Variants in CDH18 observed in about 807,000 individuals in gnomAD.
CDH18 encodes the protein cadherin-18.
In CDH18, 31 loss-of-function variants were observed where a neutral mutation model predicts 67.9. That is an observed-to-expected ratio of 0.46 (90% CI 0.34 to 0.62). CDH18 has a LOEUF of 0.62. CDH18 is among the 20% of genes least tolerant of loss of function. The pLI is 0.01. For missense variants in CDH18, 890 were observed against 975.5 expected, an observed-to-expected ratio of 0.91 and a Z score of 1.17; for synonymous variants, 362 against 347.2, an observed-to-expected ratio of 1.04 and a Z score of -0.48.
chr5:19,956,087 A>T (rs1796231044), intron 2 of CDH18, among the ~76,000 whole-genome samples: 2 of 152,138 alleles, frequency 1.3e-5, no homozygotes, highest in African/African-American at 4.8e-5. Context: ...TAGTATCTTT[A>T]TTTACATTAC....
chr5:19,951,421 A>G (rs1438799431), intron 2 of CDH18, among the ~76,000 whole-genome samples: 1 of 152,120 alleles, frequency 6.6e-6, no homozygotes, highest in Non-Finnish European at 1.5e-5. Flanking sequence ...TTTCTCTAAC[A>G]AATATGTAGA....
At chr5:20,412,133 T>C (rs1362438851) in intron 1 of CDH18, among the ~76,000 whole-genome samples, 1 of 152,138 alleles carries the variant, frequency 6.6e-6, no homozygotes, top group Non-Finnish European at 1.5e-5. Context: ...CTTATAACTA[T>C]ACTACAATGT....
intron 1 of CDH18, among the ~76,000 whole-genome samples, chr5:20,519,028 A>G (rs2126513080): frequency 6.6e-6 from 1 of 152,276 alleles, no homozygotes; most frequent in African/African-American, 2.4e-5. Flanking sequence ...AGAAAAAGCC[A>G]AAAATGCTCA....
chr5:19,744,422 T>TTTATGCC (rs1277759641), intron 4 of CDH18, among the ~76,000 whole-genome samples: 1 of 152,088 alleles, frequency 6.6e-6, no homozygotes, highest in Non-Finnish European at 1.5e-5. Flanking sequence ...CAAAAATTAC[T>TTTATGCC]TTATGCCTTA....
intron 2 of CDH18, among the ~76,000 whole-genome samples, chr5:20,008,098 T>A (rs1161020806): frequency 6.6e-6 from 1 of 152,110 alleles, no homozygotes; most frequent in Non-Finnish European, 1.5e-5. Context: ...CAATTTTTGT[T>A]CATAAATATT....
chr5:19,945,764 G>T (rs1185566579), intron 2 of CDH18, among the ~76,000 whole-genome samples: 1 of 152,082 alleles, frequency 6.6e-6, no homozygotes, highest in Non-Finnish European at 1.5e-5. Context: ...TGGTGGAAAT[G>T]ATAGTGCATA....
At chr5:19,894,431 T>C (rs1789088728) in intron 2 of CDH18, among the ~76,000 whole-genome samples, 1 of 151,874 alleles carries the variant, frequency 6.6e-6, no homozygotes, top group Non-Finnish European at 1.5e-5. Context: ...AGTAAACAAA[T>C]GGCATATTAA....
chr5:19,495,081 A>G (rs77214516), intron 11 of CDH18, among the ~76,000 whole-genome samples: 194 of 152,324 alleles, frequency 1.3e-3, no homozygotes, highest in East Asian at 2.7e-3. Flanking sequence ...TGTAAAAGTA[A>G]TAGAGGCAAC....
intron 2 of CDH18, among the ~76,000 whole-genome samples, chr5:20,172,208 A>ATG (rs1561848397): frequency 3.0e-5 from 2 of 66,538 alleles, no homozygotes; most frequent in African/African-American, 1.4e-4. Flanking sequence ...ATATATATAT[A>ATG]TATATATATA....
intron 2 of CDH18, among the ~76,000 whole-genome samples, chr5:20,070,595 T>C (rs1249544836): frequency 2.0e-5 from 3 of 152,156 alleles, no homozygotes; most frequent in Non-Finnish European, 4.4e-5. Flanking sequence ...AATTATTTGA[T>C]GTGAAGGAGA....
chr5:19,702,173 G>A (rs1182292486), intron 5 of CDH18, among the ~76,000 whole-genome samples: 2 of 132,004 alleles, frequency 1.5e-5, no homozygotes, highest in Admixed American at 1.6e-4. Context: ...TTTTGAGATG[G>A]AGTCTCCCTC....
At chr5:20,272,071 G>A (rs569468746) in intron 1 of CDH18, among the ~76,000 whole-genome samples, 111 of 152,080 alleles carry the variant, frequency 7.3e-4, no homozygotes, top group African/African-American at 2.6e-3. Context: ...TTTTTTAAGT[G>A]AATTGGATCA....
At chr5:20,385,057 G>A (rs1287498771) in intron 1 of CDH18, among the ~76,000 whole-genome samples, 1 of 152,024 alleles carries the variant, frequency 6.6e-6, no homozygotes, top group African/African-American at 2.4e-5. Context: ...GGCTGGTCTC[G>A]AGCTCCTGAC....
At chr5:19,762,040 T>G (rs1460906737) in intron 3 of CDH18, among the ~76,000 whole-genome samples, 6 of 152,164 alleles carry the variant, frequency 3.9e-5, no homozygotes, top group Admixed American at 1.3e-4. Flanking sequence ...TCTAGCCATA[T>G]GTAGAAAGCT....
chr5:19,895,977 C>T (rs1012490888), intron 2 of CDH18, among the ~76,000 whole-genome samples: 5 of 151,890 alleles, frequency 3.3e-5, no homozygotes, highest in African/African-American at 1.2e-4. Context: ...CAGAAAACAT[C>T]CATGCTTCAA....
At chr5:20,347,593 G>A (rs1740805520) in intron 1 of CDH18, among the ~76,000 whole-genome samples, 1 of 152,192 alleles carries the variant, frequency 6.6e-6, no homozygotes, top group Non-Finnish European at 1.5e-5. Flanking sequence ...TTAAGCCAGG[G>A]TGCTGCTCAC....
At position 19,505,799 on chromosome 5, in the gene CDH18, C is replaced by A. The variant is rs905400271; in HGVS notation, c.1513-2690G>T. 5.3e-5 allele frequency among the ~76,000 whole-genome samples: 8 copies of A among 151,946 alleles called. 1 individual carries two copies. Among genetic ancestry groups the A allele is most frequent in the African/African-American group, 1.9e-4 (8 of 41,364 alleles). On this transcript the variant is annotated intron_variant, in intron 10 of 12. Transcript: ENST00000382275. ...ATTCTCTTTTTTTGTTGTGTCTCTG[C>A]CAGGCTTTGGTATCAGGATGATGCT...
chr5:19,976,247 C>A (rs1269032166), intron 2 of CDH18, among the ~76,000 whole-genome samples: 1 of 152,026 alleles, frequency 6.6e-6, no homozygotes, highest in African/African-American at 2.4e-5. Flanking sequence ...TTACATAATA[C>A]ATTAAAAAGA....
At chr5:19,908,928 T>C (rs1561541324) in intron 2 of CDH18, among the ~76,000 whole-genome samples, 1 of 152,170 alleles carries the variant, frequency 6.6e-6, no homozygotes, top group Non-Finnish European at 1.5e-5. Context: ...GTGCAGTGGA[T>C]AAGAGCCAAA....
Sources: allele counts gnomAD v4.1 joint callset (sites outside exome capture counted in the v4.1 genomes callset), GRCh38; gene constraint gnomAD v4.1.1; transcripts MANE v1.5; gene names NCBI Gene and HGNC (gene_info 2026-07-23, HGNC 2026-07-21).